The following INPP4B variants were observed in gnomAD, a reference collection of about 807,000 sequenced individuals.
The protein encoded by INPP4B is inositol polyphosphate 4-phosphatase type II.
Under a neutral mutation model 122.5 loss-of-function variants are expected in INPP4B, and 55 were observed. That is an observed-to-expected ratio of 0.45 (90% CI 0.36 to 0.56). The LOEUF (loss-of-function observed/expected upper bound fraction) is 0.56, where lower values mean the gene tolerates loss of function less well. Ranked by LOEUF, INPP4B falls within the 20% of genes least tolerant of loss-of-function variation. INPP4B has a pLI of 0.00. For synonymous variants in INPP4B, 403 were observed against 388.7 expected (o/e 1.04, Z -0.43); for missense variants, 1,000 against 1,097.7 (o/e 0.91, Z 1.26).
chr4:142,259,777 T>A (rs1561660245), intron 11 of INPP4B, among the ~76,000 whole-genome samples: 2 of 152,106 alleles, frequency 1.3e-5, no homozygotes, highest in African/African-American at 4.8e-5. Context: ...TTTTACTTTT[T>A]AAATTTTCTT....
Position 142,136,239 on chromosome 4 carries a change from A to C in INPP4B, c.1720+9601T>G, listed in dbSNP as rs544112322. The stretch of plus-strand genomic sequence containing the variant: ...TGGTAGGTGGGGGTGGGAAGTGATC[A>C]TTGGGCTGGCGTGAAGATGGAAGGT... On this transcript the variant is annotated intron_variant, in intron 18 of 25. Coordinates refer to ENST00000262992, the MANE Select transcript of INPP4B (RefSeq NM_001101669.3). Among the ~76,000 whole-genome samples the C allele has an allele frequency of 3.9e-5, 6 of 152,288 alleles. 1 individual carries two copies. In the South Asian group the frequency reaches 1.0e-3, roughly 26 times the overall value.
At chr4:142,346,479 T>A (rs185978458) in intron 7 of INPP4B, among the ~76,000 whole-genome samples, 1 of 152,134 alleles carries the variant, frequency 6.6e-6, no homozygotes, top group East Asian at 1.9e-4. Context: ...ATTGATAATG[T>A]GGAAAAAGAT....
intron 17 of INPP4B, among the ~76,000 whole-genome samples, chr4:142,155,453 G>A (rs1487986997): frequency 6.6e-6 from 1 of 152,086 alleles, no homozygotes; most frequent in African/African-American, 2.4e-5. Context: ...AACATGTTTT[G>A]TTCTCAACAG....
chr4:142,136,353 C>A (rs992748812), intron 18 of INPP4B, among the ~76,000 whole-genome samples: 1 of 152,222 alleles, frequency 6.6e-6, no homozygotes, highest in East Asian at 1.9e-4. Context: ...TTGGACTTCA[C>A]TGACAAAACA....
intron 2 of INPP4B, among the ~76,000 whole-genome samples, chr4:142,526,585 G>A (rs1039106753): frequency 6.6e-6 from 1 of 152,060 alleles, no homozygotes; most frequent in African/African-American, 2.4e-5. Flanking sequence ...CTCTGGAGCA[G>A]GATGCACACG....
chr4:142,118,435 C>T (rs761997882), intron 21 of INPP4B, among the ~76,000 whole-genome samples: 24 of 152,028 alleles, frequency 1.6e-4, no homozygotes, highest in Non-Finnish European at 2.8e-4. Flanking sequence ...GGTACTGGTA[C>T]CAAAACAGAG....
intron 8 of INPP4B, among the ~76,000 whole-genome samples, chr4:142,307,639 C>T (rs1381359799): frequency 6.6e-6 from 1 of 152,164 alleles, no homozygotes; most frequent in African/African-American, 2.4e-5. Flanking sequence ...TTATAGTATG[C>T]AGATCGTATA....
At chr4:142,599,200 C>G (rs1410662386) in intron 2 of INPP4B, among the ~76,000 whole-genome samples, 1 of 152,238 alleles carries the variant, frequency 6.6e-6, no homozygotes, top group Middle Eastern at 3.4e-3. Flanking sequence ...GCCACCCAAC[C>G]CACTGCTGCC....
chr4:142,738,354 A>C (rs546927388), intron 1 of INPP4B, among the ~76,000 whole-genome samples: 6 of 152,172 alleles, frequency 3.9e-5, no homozygotes, highest in African/African-American at 9.6e-5. Context: ...CAAACTATCA[A>C]AAGGACAAAA....
intron 3 of INPP4B, among the ~76,000 whole-genome samples, chr4:142,447,214 C>T (rs982537154): frequency 8.6e-5 from 13 of 152,008 alleles, no homozygotes; most frequent in African/African-American, 3.1e-4. Context: ...GCGTGGAGAC[C>T]ACAGATTTGT....
At position 142,217,295 on chromosome 4, in the gene INPP4B, G is replaced by A. The variant is rs550935286; in HGVS notation, c.837-8269C>T. Among the ~76,000 whole-genome samples, 8 of 152,310 alleles carry A rather than the reference G, an allele frequency of 5.3e-5. No homozygotes were observed. In the South Asian group the frequency reaches 1.5e-3, roughly 28 times the overall value. The stretch of plus-strand genomic sequence containing the variant: ...GGGATTTCCAACATGGGGCAAATGT[G>A]CTTTGAGTCTGTGAGTGGCAGAGAC... On this transcript the variant is annotated intron_variant, in intron 12 of 25. Coordinates refer to ENST00000262992, the MANE Select transcript of INPP4B (RefSeq NM_001101669.3).
chr4:142,082,550 AAAAC>A (rs1194980570), intron 24 of INPP4B, among the ~76,000 whole-genome samples: 1 of 152,208 alleles, frequency 6.6e-6, no homozygotes, highest in African/African-American at 2.4e-5. Flanking sequence ...TAAAGAGGAA[AAAAC>A]AAACAAACAA....
At chr4:142,493,249 C>G (rs1304283756) in intron 2 of INPP4B, among the ~76,000 whole-genome samples, 1 of 152,196 alleles carries the variant, frequency 6.6e-6, no homozygotes, top group East Asian at 1.9e-4. Context: ...AGAACCTCTG[C>G]TAGGGCATGG....
At chr4:142,812,487 C>T (rs1779633529) in intron 1 of INPP4B, among the ~76,000 whole-genome samples, 1 of 152,042 alleles carries the variant, frequency 6.6e-6, no homozygotes, top group African/African-American at 2.4e-5. Context: ...TTAACAAATT[C>T]CACTAAATTC....
chr4:142,805,089 A>G (rs1042250614), intron 1 of INPP4B, among the ~76,000 whole-genome samples: 1 of 152,232 alleles, frequency 6.6e-6, no homozygotes, highest in African/African-American at 2.4e-5. Context: ...GGTTATATTA[A>G]TAAATATGAA....
intron 14 of INPP4B, among the ~76,000 whole-genome samples, chr4:142,194,372 C>T (rs1490006656): frequency 6.6e-6 from 1 of 152,096 alleles, no homozygotes; most frequent in Non-Finnish European, 1.5e-5. Flanking sequence ...TAAATATTTT[C>T]TAGTCCAGGG....
At chr4:142,344,179 A>G (rs1779567038) in intron 7 of INPP4B, among the ~76,000 whole-genome samples, 1 of 152,094 alleles carries the variant, frequency 6.6e-6, no homozygotes, top group South Asian at 2.1e-4. Flanking sequence ...GGATTTAAAG[A>G]GAAATAACCA....
intron 12 of INPP4B, among the ~76,000 whole-genome samples, chr4:142,235,439 T>A (rs1404603236): frequency 1.3e-5 from 2 of 152,076 alleles, no homozygotes; most frequent in East Asian, 3.9e-4. Context: ...TTTATTTTTT[T>A]GAGACGGAGT....
In INPP4B at chr4:142,122,116, A is replaced by G. The variant is rs1395667941; in HGVS notation, c.2135+12T>C. 1 of 1,537,128 alleles carries G rather than the reference A, an allele frequency of 6.5e-7. No individual in the cohort carries two copies. The highest frequency in any genetic ancestry group is 9.0e-7 in the Non-Finnish European group (1 of 1,113,114). On this transcript the variant is annotated intron_variant, in intron 21 of 25. Coordinates refer to ENST00000262992, the MANE Select transcript of INPP4B (RefSeq NM_001101669.3). ...AACAAAGCCTGGTCTTCAGGAAGTG[A>G]GCACTGCTTACCGTCTTCCTGTTAT...
Sources: allele counts gnomAD v4.1 joint callset (sites outside exome capture counted in the v4.1 genomes callset), GRCh38; gene constraint gnomAD v4.1.1; transcripts MANE v1.5; gene names NCBI Gene and HGNC (gene_info 2026-07-23, HGNC 2026-07-21).